The following RBPMS variants were observed in gnomAD, a reference collection of about 807,000 sequenced individuals.
The protein encoded by RBPMS is RNA binding protein, mRNA processing factor, also known as RNA-binding protein with multiple splicing.
In RBPMS, 7 loss-of-function variants were observed where a neutral mutation model predicts 26.8. The ratio of observed to expected loss-of-function variants is 0.26; its 90% CI spans 0.15 to 0.49. RBPMS has a LOEUF of 0.49. Ranked by LOEUF, RBPMS falls within the 20% of genes least tolerant of loss-of-function variation. RBPMS has a pLI of 0.98. For missense variants in RBPMS, 186 were observed against 250.0 expected, an observed-to-expected ratio of 0.74 and a Z score of 1.73; for synonymous variants, 96 against 93.3, an observed-to-expected ratio of 1.03 and a Z score of -0.17.
intron 5 of RBPMS, among the ~76,000 whole-genome samples, chr8:30,509,065 G>A (rs1394022402): frequency 1.3e-5 from 2 of 152,118 alleles, no homozygotes; most frequent in Admixed American, 6.5e-5. Context: ...GGGCTAGGAC[G>A]TAGGCTCTGT....
chr8:30,413,891 G>A (rs999397557), intron 1 of RBPMS, among the ~76,000 whole-genome samples: 2 of 152,110 alleles, frequency 1.3e-5, no homozygotes, highest in African/African-American at 2.4e-5. Context: ...GATTACAGGC[G>A]TGAGCCGCAT....
intron 4 of RBPMS, among the ~76,000 whole-genome samples, chr8:30,499,645 C>G (rs1563378893): frequency 6.6e-6 from 1 of 151,752 alleles, no homozygotes. Flanking sequence ...GGCTACTCTA[C>G]AAAATAAATA....
At chr8:30,452,321 A>G (rs1814681146) in intron 1 of RBPMS, among the ~76,000 whole-genome samples, 1 of 152,208 alleles carries the variant, frequency 6.6e-6, no homozygotes, top group Admixed American at 6.5e-5. Flanking sequence ...TACAGAGATG[A>G]TTGTACCCAG....
chr8:30,472,929 A>T (rs1247164797), intron 1 of RBPMS, among the ~76,000 whole-genome samples: 1 of 152,176 alleles, frequency 6.6e-6, no homozygotes, highest in Non-Finnish European at 1.5e-5. Context: ...TTAGCCAGAC[A>T]TGGTAGCAGA....
intron 1 of RBPMS, among the ~76,000 whole-genome samples, chr8:30,389,418 C>T (rs971893695): frequency 3.9e-5 from 6 of 152,082 alleles, no homozygotes; most frequent in East Asian, 1.9e-4. Flanking sequence ...ACATGATTTT[C>T]GTAGGTTCAT....
chr8:30,411,747 G>A lies in RBPMS; in HGVS notation c.66+26589G>A, dbSNP rs545198503. On this transcript the variant is annotated intron_variant, in intron 1 of 8. Transcript: ENST00000397323. ...GCCTGTAATCCCAGCACTTTGGGAC[G>A]CCAAGGCGGGTGGATCACGAGGTCA... 4.0e-5 allele frequency among the ~76,000 whole-genome samples: 6 copies of A among 151,884 alleles called. No homozygotes were observed. In the South Asian group the frequency reaches 1.0e-3, roughly 26 times the overall value.
At chr8:30,415,432 T>C (rs1006739195) in intron 1 of RBPMS, among the ~76,000 whole-genome samples, 2 of 152,342 alleles carry the variant, frequency 1.3e-5, no homozygotes, top group South Asian at 2.1e-4. Flanking sequence ...TCTGCCACTC[T>C]GCTTAAAACC....
intron 1 of RBPMS, among the ~76,000 whole-genome samples, chr8:30,410,415 A>G (rs558226341): frequency 4.6e-4 from 69 of 151,080 alleles, no homozygotes; most frequent in Non-Finnish European, 8.9e-4. Flanking sequence ...TCACCATGTT[A>G]GCCAGGATGG....
intron 6 of RBPMS, chr8:30,558,653 C>T (rs1026638954): frequency 1.0e-5 from 6 of 596,746 alleles, no homozygotes; most frequent in East Asian, 5.7e-5. Context: ...GGGCACTTCT[C>T]GAGGTGGGTG....
chr8:30,566,690 G>C (rs1827910773), intron 8 of RBPMS, among the ~76,000 whole-genome samples: 1 of 152,310 alleles, frequency 6.6e-6, no homozygotes, highest in Admixed American at 6.5e-5. Flanking sequence ...CTGAAACGAA[G>C]CTTTTCCCTT....
At chr8:30,514,769 A>G (rs146929778) in intron 5 of RBPMS, among the ~76,000 whole-genome samples, 1 of 138,422 alleles carries the variant, frequency 7.2e-6, no homozygotes, top group Non-Finnish European at 1.5e-5. Context: ...CAAGTGATCC[A>G]CCCACCTTGG....
intron 6 of RBPMS, among the ~76,000 whole-genome samples, chr8:30,547,091 C>T (rs1003851806): frequency 2.0e-5 from 3 of 152,212 alleles, no homozygotes; most frequent in African/African-American, 7.2e-5. Context: ...CAGCACTTAA[C>T]CCTCACCCAA....
At chr8:30,392,469 T>A (rs1807896117) in intron 1 of RBPMS, among the ~76,000 whole-genome samples, 1 of 152,124 alleles carries the variant, frequency 6.6e-6, no homozygotes, top group Admixed American at 6.5e-5. Flanking sequence ...AAGAGCTGCC[T>A]CTGCATTAGG....
At chr8:30,557,433 T>G (rs902507279) in intron 6 of RBPMS, among the ~76,000 whole-genome samples, 2 of 152,134 alleles carry the variant, frequency 1.3e-5, no homozygotes, top group Admixed American at 1.3e-4. Context: ...CTGACCCCAC[T>G]GGGCTCTGTG....
chr8:30,558,908 G>C lies in RBPMS; in HGVS notation c.550G>C (p.Glu184Gln). The change falls in exon 7 of 9, where the codon GAG (glutamate) becomes CAG (glutamine). Residue 184 changes from glutamate to glutamine, a missense_variant. Glu to Gln is a conservative substitution (Grantham distance 29). Around this residue, in one of 3 missense-constraint regions of RBPMS, gnomAD observed 98 missense variants for 113.6 expected, o/e 0.86. Transcript: ENST00000397323. ...TCAGATGCGCTGGCTCCCTCCCTCC[G>C]AGGCTACTTCTCAGGGCTGGAAGTC... ...HAQMRWLPPS[E>Q]ATSQGWKSRQ... is the part of the protein sequence containing the mutation. 1 of 1,614,114 alleles carries C rather than the reference G, an allele frequency of 6.2e-7. No individual in the cohort carries two copies. The highest frequency in any genetic ancestry group is 8.5e-7 in the Non-Finnish European group (1 of 1,180,028).
chr8:30,444,057 C>T (rs894579158), intron 1 of RBPMS, among the ~76,000 whole-genome samples: 3 of 152,038 alleles, frequency 2.0e-5, no homozygotes, highest in Non-Finnish European at 2.9e-5. Context: ...CCACCATGCC[C>T]GGCTAATTTT....
chr8:30,529,054 CA>C (rs147476324), intron 5 of RBPMS, among the ~76,000 whole-genome samples: 1 of 149,926 alleles, frequency 6.7e-6, no homozygotes, highest in East Asian at 1.9e-4. Context: ...ACGTCTCTAC[CA>C]AAAAAAAATT....
intron 1 of RBPMS, among the ~76,000 whole-genome samples, chr8:30,418,059 T>G (rs535652581): frequency 6.6e-6 from 1 of 152,340 alleles, no homozygotes; most frequent in South Asian, 2.1e-4. Context: ...CATATGTCAT[T>G]TATAATATAA....
intron 5 of RBPMS, among the ~76,000 whole-genome samples, chr8:30,536,035 C>T (rs957663945): frequency 1.3e-5 from 2 of 151,926 alleles, no homozygotes; most frequent in South Asian, 2.1e-4. Context: ...ATGTAACATG[C>T]GCTATGCTAG....
Sources: gnomAD v4.1 joint callset for allele counts (sites outside exome capture counted in the v4.1 genomes callset) on GRCh38, gnomAD v4.1.1 for gene constraint, gnomAD v4.1.1 regional missense constraint, MANE v1.5 for transcripts, NCBI Gene and HGNC (gene_info 2026-07-23, HGNC 2026-07-21) for gene names.